ASTN2: variants seen among roughly 807,000 people sequenced by gnomAD.
ASTN2 encodes astrotactin-2.
A neutral mutation model predicts 139.8 loss-of-function variants in ASTN2; 54 were observed. That is an observed-to-expected ratio of 0.39 (90% confidence interval 0.31 to 0.48). The LOEUF (loss-of-function observed/expected upper bound fraction) is 0.48. ASTN2 is among the 20% of genes least tolerant of loss of function. The pLI is 0.95. For synonymous variants in ASTN2, 756 were observed against 719.5 expected, an observed-to-expected ratio of 1.05 and a Z score of -0.81; for missense variants, 1,565 against 1,725.1, an observed-to-expected ratio of 0.91 and a Z score of 1.64.
intron 1 of ASTN2, among the ~76,000 whole-genome samples, chr9:117,371,478 C>A (rs1157422715): frequency 6.6e-6 from 1 of 152,104 alleles, no homozygotes; most frequent in Admixed American, 6.6e-5. Flanking sequence ...AGTTGGGGAG[C>A]AATGTTTCCA....
chr9:116,729,472 G>A (rs1279366792), intron 14 of ASTN2, among the ~76,000 whole-genome samples: 29 of 152,146 alleles, frequency 1.9e-4, no homozygotes, highest in Admixed American at 1.9e-3. Context: ...GGCATGTTGT[G>A]AGGCTCAAGT....
Position 116,725,889 on chromosome 9 carries a change from G to A in ASTN2, c.2688C>T (p.Phe896=). 6.2e-7 allele frequency: 1 copy of A among 1,614,030 alleles called. No individual in the cohort carries two copies. ...TGTAGTGGGAGCCATAGTGCTGGAT[G>A]AAGGACAGCAGCTCCTCCCGACTGC... ...KESSREELLS[F]IQHYGSHYIA... The change falls in exon 16 of 23, where the codon TTC becomes TTT. Residue 896 remains phenylalanine, a synonymous_variant. Coordinates refer to ENST00000313400, the MANE Select transcript of ASTN2 (RefSeq NM_001365068.1).
chr9:116,632,142 GAGAGAGAGAGAGAGAC>G (rs1251197651), intron 17 of ASTN2, among the ~76,000 whole-genome samples: 2 of 79,710 alleles, frequency 2.5e-5, no homozygotes, highest in Non-Finnish European at 4.8e-5. Flanking sequence ...GAGAGAGAGA[GAGAGAGAGAGAGAGAC>G]AGAGAGAGAG....
intron 10 of ASTN2, among the ~76,000 whole-genome samples, chr9:116,879,616 G>A (rs1833400525): frequency 6.6e-6 from 1 of 152,188 alleles, no homozygotes; most frequent in Non-Finnish European, 1.5e-5. Flanking sequence ...GTTCTGCCAT[G>A]CTCACTGAAG....
intron 19 of ASTN2, among the ~76,000 whole-genome samples, chr9:116,601,678 G>C (rs142079395): frequency 6.6e-6 from 1 of 152,330 alleles, no homozygotes; most frequent in Non-Finnish European, 1.5e-5. Context: ...TAAGTTTATA[G>C]AGGCACCAGC....
chr9:117,252,107 A>G (rs1833555798), intron 2 of ASTN2, among the ~76,000 whole-genome samples: 3 of 152,164 alleles, frequency 2.0e-5, no homozygotes, highest in Non-Finnish European at 2.9e-5. Context: ...AGATTTTTGC[A>G]TTGCCTAATA....
intron 20 of ASTN2, among the ~76,000 whole-genome samples, chr9:116,454,710 T>TA (rs1219909426): frequency 2.6e-5 from 4 of 152,058 alleles, no homozygotes; most frequent in Admixed American, 6.6e-5. Flanking sequence ...TATGCAGCCA[T>TA]AAAAAAGGAT....
At chr9:116,534,718 C>T (rs4836740) in intron 19 of ASTN2, among the ~76,000 whole-genome samples, 21,575 of 152,140 alleles carry the variant, frequency 0.14, 1,655 homozygotes, top group Middle Eastern at 0.2. Context: ...GCACTGTGTT[C>T]TGAGAGACAG....
At chr9:116,505,124 T>C (rs1850052447) in intron 19 of ASTN2, among the ~76,000 whole-genome samples, 1 of 151,754 alleles carries the variant, frequency 6.6e-6, no homozygotes, top group African/African-American at 2.4e-5. Context: ...TTCTCAATAA[T>C]TACTAACTAT....
intron 12 of ASTN2, among the ~76,000 whole-genome samples, chr9:116,809,756 T>C (rs1200893283): frequency 2.0e-5 from 3 of 152,244 alleles, no homozygotes; most frequent in Non-Finnish European, 2.9e-5. Context: ...TGGGCGCTTC[T>C]GATAAGTGTG....
intron 1 of ASTN2, among the ~76,000 whole-genome samples, chr9:117,367,489 G>C (rs1170185033): frequency 6.6e-6 from 1 of 152,092 alleles, no homozygotes; most frequent in Non-Finnish European, 1.5e-5. Context: ...TGATCCTCTG[G>C]GGGTCATGGT....
chr9:116,575,086 A>C (rs1314753258), intron 19 of ASTN2, among the ~76,000 whole-genome samples: 1 of 152,154 alleles, frequency 6.6e-6, no homozygotes, highest in East Asian at 1.9e-4. Context: ...CGTTTCATTC[A>C]AGTCCTACCT....
intron 14 of ASTN2, among the ~76,000 whole-genome samples, chr9:116,730,755 C>T (rs1437119640): frequency 1.3e-5 from 2 of 152,208 alleles, no homozygotes; most frequent in Non-Finnish European, 2.9e-5. Context: ...AGAGGCAGCT[C>T]TTTCACTTGG....
chr9:117,191,933 A>T (rs1382719042), intron 3 of ASTN2, among the ~76,000 whole-genome samples: 4 of 152,296 alleles, frequency 2.6e-5, no homozygotes, highest in Non-Finnish European at 4.4e-5. Flanking sequence ...AGACAGGGAG[A>T]TGGAAAAGGA....
At chr9:116,659,045 T>G (rs1330262950) in intron 16 of ASTN2, among the ~76,000 whole-genome samples, 2 of 152,128 alleles carry the variant, frequency 1.3e-5, no homozygotes, top group African/African-American at 4.8e-5. Flanking sequence ...AGTAAACATA[T>G]CACAAAGAGT....
chr9:116,885,542 T>C (rs1833574088), intron 10 of ASTN2, among the ~76,000 whole-genome samples: 1 of 152,130 alleles, frequency 6.6e-6, no homozygotes, highest in African/African-American at 2.4e-5. Flanking sequence ...GGCATGCACC[T>C]GTAATCCCAG....
In ASTN2 at chr9:117,218,228, G is replaced by C. The variant is rs190980184; in HGVS notation, c.631-3486C>G. On this transcript the variant is annotated intron_variant, in intron 2 of 22. Transcript: ENST00000313400. ...GGCACTGAGCTTGAGGTTCCCTTTA[G>C]TTTATTGACCCATTGATTCTTTAGC... Among the ~76,000 whole-genome samples, 14 of 152,298 alleles carry C rather than the reference G, an allele frequency of 9.2e-5. No homozygotes were observed. The East Asian group carries it at 2.7e-3, about 29-fold the overall frequency.
intron 16 of ASTN2, among the ~76,000 whole-genome samples, chr9:116,678,596 A>G (rs1859644734): frequency 6.6e-6 from 1 of 152,214 alleles, no homozygotes; most frequent in South Asian, 2.1e-4. Context: ...AATGGAACAA[A>G]ACTGAAGGTT....
At chr9:116,426,755 T>C in intron 22 of ASTN2, among the ~76,000 whole-genome samples, 1 of 152,146 alleles carries the variant, frequency 6.6e-6, no homozygotes, top group East Asian at 1.9e-4. Flanking sequence ...ATCAAATATA[T>C]ATATATATAT....
Sources: gnomAD v4.1 joint callset for allele counts (sites outside exome capture counted in the v4.1 genomes callset) on GRCh38, gnomAD v4.1.1 for gene constraint, MANE v1.5 for transcripts, NCBI Gene and HGNC (gene_info 2026-07-23, HGNC 2026-07-21) for gene names.